The following ZNF853 variants were observed in gnomAD, a reference collection of about 807,000 sequenced individuals.
The protein encoded by ZNF853 is zinc finger protein 853.
A neutral mutation model predicts 94.7 loss-of-function variants in ZNF853; 57 were observed. The ratio of observed to expected loss-of-function variants is 0.60; its 90% confidence interval spans 0.49 to 0.75. The LOEUF is 0.75. Ranked by LOEUF, ZNF853 falls within the 30% of genes least tolerant of loss-of-function variation. The pLI is 0.00. For missense variants in ZNF853, 785 were observed against 868.9 expected (o/e 0.90, Z 1.21); for synonymous variants, 448 against 406.3 (o/e 1.10, Z -1.23).
chr7:6,623,459 C>G lies in ZNF853; in HGVS notation c.*488C>G. 1 of 398,032 alleles carries G rather than the reference C, an allele frequency of 2.5e-6. No individual in the cohort carries two copies. Among genetic ancestry groups the G allele is most frequent in the Non-Finnish European group, 4.4e-6 (1 of 226,002 alleles). The allele number at this position is 398,032 out of a possible 1,614,324, so 24.7% of individuals were successfully genotyped here. The stretch of plus-strand genomic sequence containing the variant: ...TTGTTTGCACTATGTAGAAACTGAC[C>G]AAGGCATCGAATCGTCCTCAGAGGC... On this transcript the variant is annotated 3_prime_UTR_variant, in exon 3 of 3. Transcript: ENST00000457543.
chr7:6,617,473 G>A, intron 2 of ZNF853, 166 bp downstream of exon 2: 1 of 637,898 alleles, frequency 1.6e-6, no homozygotes. Context: ...GGCTGTGTCA[G>A]GCAGGCTGAG....
intron 1 of ZNF853, 71 bp from the exon 2 acceptor site, chr7:6,617,119 G>T: frequency 8.0e-7 from 1 of 1,252,642 alleles, no homozygotes; most frequent in Non-Finnish European, 1.1e-6. Flanking sequence ...GGGCCTTTGG[G>T]GGCCTGTGGG....
chr7:6,622,121 A>AGCAGCTGGAGCAGCAGGAGGT lies in ZNF853; in HGVS notation c.1142_1162dup (p.Gln381_Glu387dup), dbSNP rs1216405178. ...GAGCAACAGCTGGAGCAGCAGCAGC[A>AGCAGCTGGAGCAGCAGGAGGT]GCAGCTGGAGCAGCAGGAGGTGCAG... On this transcript the variant is annotated inframe_insertion, in exon 3 of 3. Transcript: ENST00000457543. 2 of 1,545,366 alleles carry AGCAGCTGGAGCAGCAGGAGGT rather than the reference A, an allele frequency of 1.3e-6. No homozygotes were observed. The highest frequency in any genetic ancestry group is 2.0e-5 in the Admixed American group (1 of 50,988).
rs1247321679 is a variant in ZNF853 at position 6,622,831 on chromosome 7, C to T, written c.1840C>T (p.Arg614Cys). 45 of 1,519,066 alleles carry T rather than the reference C, an allele frequency of 3.0e-5. No homozygotes were observed. The East Asian group carries it at 3.0e-4, about 10-fold the overall frequency. The allele number at this position is 1,519,066 out of a possible 1,614,324, so 94.1% of individuals were successfully genotyped here. A position where few individuals can be genotyped will look rare whatever the true frequency, so the allele number is the denominator to read the frequency against. ...ERFRHKVQIR[R>C]HERQLHGAGR... ...CTTCCGACACAAGGTGCAGATCCGC[C>T]GCCACGAGCGCCAGCTGCACGGCGC... The change falls in exon 3 of 3, where the codon CGC (arginine) becomes TGC (cysteine). Residue 614 changes from arginine (R) to cysteine (C), a missense_variant. Arg to Cys is a radical substitution (Grantham distance 180). Coordinates refer to ENST00000457543, the MANE Select transcript of ZNF853 (RefSeq NM_017560.3).
At chr7:6,617,527 C>A in intron 2 of ZNF853, 2 of 928,652 alleles carry the variant, frequency 2.2e-6, no homozygotes, top group South Asian at 4.9e-5. Context: ...TGGGTGCTGA[C>A]TGGACTTAAC....
intron 1 of ZNF853, 72 bp downstream of exon 1, chr7:6,616,258 A>G: frequency 6.8e-7 from 1 of 1,480,186 alleles, no homozygotes; most frequent in Middle Eastern, 1.7e-4. Flanking sequence ...ACTGGATGGC[A>G]CGAGTCGGCC....
intron 2 of ZNF853, among the ~76,000 whole-genome samples, chr7:6,617,871 G>A: frequency 6.6e-6 from 1 of 152,036 alleles, no homozygotes; most frequent in Non-Finnish European, 1.5e-5. Context: ...ACCTTCTCTG[G>A]TGGCCACACT....
Position 6,622,279 on chromosome 7 carries a change from C to G in ZNF853, c.1288C>G (p.Pro430Ala), listed in dbSNP as rs1485040537. ...GGGGAAVPGA[P>A]AAVVVAPPGY... ...CGGCGGAGCGGCGGTCCCGGGGGCT[C>G]CGGCCGCGGTCGTGGTGGCTCCCCC... The change falls in exon 3 of 3, where the codon CCG becomes GCG. Residue 430 changes from proline to alanine, a missense_variant. Transcript: ENST00000457543. 2 of 1,503,490 alleles carry G rather than the reference C, an allele frequency of 1.3e-6. No individual in the cohort carries two copies. Among genetic ancestry groups the G allele is most frequent in the African/African-American group, 2.8e-5 (2 of 71,746 alleles). The allele number at this position is 1,503,490 out of a possible 1,614,324, so 93.1% of individuals were successfully genotyped here. A position where few individuals can be genotyped will look rare whatever the true frequency, so the allele number is the denominator to read the frequency against.
At chr7:6,617,156 G>C in intron 1 of ZNF853, 34 bp from the exon 2 acceptor site, 2 of 1,518,982 alleles carry the variant, frequency 1.3e-6, no homozygotes, top group Non-Finnish European at 8.8e-7. Flanking sequence ...AAGCACTCCA[G>C]CCTGGCTAAA....
At position 6,622,055 on chromosome 7, in the gene ZNF853, G is replaced by A. The variant is rs1033525449; in HGVS notation, c.1064G>A (p.Arg355Gln). 1.2e-5 allele frequency: 19 copies of A among 1,546,882 alleles called. No homozygotes were observed. The Admixed American group carries it at 1.4e-4, about 11-fold the overall frequency. ...QQELERQQEQ[R>Q]QLQLKLQEEL... ...GAGCTGGAACGGCAGCAGGAGCAGC[G>A]GCAGCTGCAGCTCAAACTGCAGGAG... is the stretch of plus-strand genomic sequence containing the variant. The change falls in exon 3 of 3, where the codon CGG becomes CAG. Residue 355 changes from arginine to glutamine, a missense_variant. Arg to Gln is a conservative substitution (Grantham distance 43). Coordinates refer to ENST00000457543, the MANE Select transcript of ZNF853 (RefSeq NM_017560.3).
rs1782498912 is a variant in ZNF853, at chr7:6,616,057, T to A, written c.-118T>A. On this transcript the variant is annotated 5_prime_UTR_variant, in exon 1 of 3. Coordinates refer to ENST00000457543, the MANE Select transcript of ZNF853 (RefSeq NM_017560.3). ...AAAGCCCCCGGGGTGGCCCTGCGCCTCCTGGCTCTTTCTGGATGGAGGCGC... is the reference window on the plus strand; with the variant it reads ...AAAGCCCCCGGGGTGGCCCTGCGCCACCTGGCTCTTTCTGGATGGAGGCGC... 3.9e-6 allele frequency: 4 copies of A among 1,031,704 alleles called. No homozygotes were observed. The East Asian group carries it at 1.1e-4, about 28-fold the overall frequency. The allele number at this position is 1,031,704 out of a possible 1,614,324, so 63.9% of individuals were successfully genotyped here. A position where few individuals can be genotyped will look rare whatever the true frequency, so the allele number is the denominator to read the frequency against.
Position 6,622,003 on chromosome 7 carries a change from CAGCGGCAGGAGTTGG to C in ZNF853, c.1021_1035del (p.Glu341_Gln345del). 1 of 1,550,188 alleles carries C rather than the reference CAGCGGCAGGAGTTGG, an allele frequency of 6.5e-7. No homozygotes were observed. Among genetic ancestry groups the C allele is most frequent in the Non-Finnish European group, 8.7e-7 (1 of 1,146,840 alleles). On this transcript the variant is annotated inframe_deletion, in exon 3 of 3. Transcript: ENST00000457543. ...GGGGTCAGAGCAGGAGCTGGAGCAG[CAGCGGCAGGAGTTGG>C]AGCGGCAGCAGGAGCTGGAACGGCA...
At chr7:6,619,287 T>G in intron 2 of ZNF853, among the ~76,000 whole-genome samples, 26 of 151,014 alleles carry the variant, frequency 1.7e-4, no homozygotes, top group East Asian at 5.8e-4. Context: ...TTGTTTGTTT[T>G]TTTGATAAGG....
At position 6,621,490 on chromosome 7, in the gene ZNF853, C is replaced by A; in HGVS notation, c.499C>A (p.Gln167Lys). 3.2e-6 allele frequency: 5 copies of A among 1,551,812 alleles called. No individual in the cohort carries two copies. The highest frequency in any genetic ancestry group is 3.5e-6 in the Non-Finnish European group (4 of 1,147,020). Residue 167 changes from glutamine to lysine, a missense_variant, in exon 3 of 3, where the codon CAA becomes AAA. Gln to Lys is a moderately conservative substitution (Grantham distance 53). Transcript: ENST00000457543. ...QQLQPQQVQEQQRLQQQQEQL... is the reference protein window; with the variant it reads ...QQLQPQQVQEKQRLQQQQEQL... ...GTTACAGCCACAGCAAGTGCAAGAG[C>A]AACAGCGGTTGCAGCAGCAGCAGGA... is the stretch of plus-strand genomic sequence containing the variant.
chr7:6,621,244 G>A lies in ZNF853; in HGVS notation c.253G>A (p.Gly85Arg), dbSNP rs766312856. ...TGAAATCGCTGAGGAAACCCGGCCG[G>A]GACAACGAGAGTTGCAACTGCAGCA... is the stretch of plus-strand genomic sequence containing the variant. Reference protein sequence around the residue: ...ASEIAEETRPGQRELQLQQLE... With the variant: ...ASEIAEETRPRQRELQLQQLE... Residue 85 changes from glycine to arginine, a missense_variant, in exon 3 of 3, where the codon GGA becomes AGA. Gly to Arg is a moderately radical substitution (Grantham distance 125). Coordinates refer to ENST00000457543, the MANE Select transcript of ZNF853 (RefSeq NM_017560.3). 31 of 1,548,594 alleles carry A rather than the reference G, an allele frequency of 2.0e-5. No homozygotes were observed. The highest frequency in any genetic ancestry group is 2.7e-5 in the Non-Finnish European group (31 of 1,145,102).
At chr7:6,621,015 C>T in intron 2 of ZNF853, 107 bp from the exon 3 acceptor site, 24 of 1,350,966 alleles carry the variant, frequency 1.8e-5, no homozygotes, top group Admixed American at 9.5e-5. Context: ...CTGCTAAGAG[C>T]GTGTTAGTGT....
chr7:6,619,116 T>C, intron 2 of ZNF853, among the ~76,000 whole-genome samples: 1 of 143,214 alleles, frequency 7.0e-6, no homozygotes, highest in African/African-American at 2.6e-5. Context: ...CTTGACTCAC[T>C]GCAACCTCCA....
At chr7:6,617,804 A>G in intron 2 of ZNF853, 1 of 246,964 alleles carries the variant, frequency 4.0e-6, no homozygotes, top group Admixed American at 6.5e-5. Flanking sequence ...GCCCAGGGGC[A>G]GATGTGGTAC....
rs1323889913 is a variant in ZNF853 at position 6,616,137 on chromosome 7, C to A, written c.-38C>A. ...CCTTCACCTCGCAGCCTCTGCTGAC[C>A]ACACCTCCCTAGCGCAGAGGCTGCC... On this transcript the variant is annotated 5_prime_UTR_variant, in exon 1 of 3. Coordinates refer to ENST00000457543, the MANE Select transcript of ZNF853 (RefSeq NM_017560.3). 2 of 1,543,526 alleles carry A rather than the reference C, an allele frequency of 1.3e-6. No individual in the cohort carries two copies. Among genetic ancestry groups the A allele is most frequent in the African/African-American group, 1.4e-5 (1 of 72,876 alleles).
Sources: gnomAD v4.1 joint callset for allele counts (sites outside exome capture counted in the v4.1 genomes callset) on GRCh38, gnomAD v4.1.1 for gene constraint, MANE v1.5 for transcripts, NCBI Gene and HGNC (gene_info 2026-07-23, HGNC 2026-07-21) for gene names.